The following CABIN1 variants were observed in gnomAD, a reference collection of about 807,000 sequenced individuals.
CABIN1 encodes calcineurin-binding protein cabin-1.
A neutral mutation model predicts 227.7 loss-of-function variants in CABIN1; 133 were observed. The ratio of observed to expected loss-of-function variants is 0.58; its 90% CI spans 0.51 to 0.67. The LOEUF (loss-of-function observed/expected upper bound fraction) is 0.67. Ranked by LOEUF, CABIN1 falls within the 30% of genes least tolerant of loss-of-function variation. The pLI is 0.00. For synonymous variants in CABIN1, 1,086 were observed against 1,155.1 expected (o/e 0.94, Z 1.21); for missense variants, 2,408 against 2,852.5 (o/e 0.84, Z 3.55).
intron 7 of CABIN1, among the ~76,000 whole-genome samples, chr22:24,049,716 A>G (rs2147274873): frequency 6.6e-6 from 1 of 152,126 alleles, no homozygotes; most frequent in East Asian, 1.9e-4. Context: ...TTTCCCTCCC[A>G]GGCTCCTTTT....
In CABIN1 at chr22:24,170,396, A is replaced by C. The variant is rs571561790; in HGVS notation, c.5758-1317A>C. Among the ~76,000 whole-genome samples the C allele has an allele frequency of 3.3e-5, 5 of 152,304 alleles. No homozygotes were observed. In the East Asian group the frequency reaches 9.7e-4, roughly 29 times the overall value. ...CCGCCTGGAGGGTGCTCTGGACATA[A>C]TTAGAGGCTCAGTGCCCACGGCTGA... On this transcript the variant is annotated intron_variant, in intron 33 of 36. Coordinates refer to ENST00000263119, the MANE Select transcript of CABIN1 (RefSeq NM_012295.4).
Position 24,163,195 on chromosome 22 carries a change from G to T in CABIN1, c.4747-1205G>T, listed in dbSNP as rs191831158. 8.9e-4 allele frequency among the ~76,000 whole-genome samples: 136 copies of T among 152,280 alleles called. 1 individual carries two copies. The highest frequency in any genetic ancestry group is 3.1e-3 in the African/African-American group (130 of 41,540). On this transcript the variant is annotated intron_variant, in intron 29 of 36. Transcript: ENST00000263119. ...CCACATAGTCCCCCAGCCTGCAGGTGGACCCTCCATGTCACAACAGGAGCC... is the reference window on the plus strand; with the variant it reads ...CCACATAGTCCCCCAGCCTGCAGGTTGACCCTCCATGTCACAACAGGAGCC...
chr22:24,051,091 G>A, intron 8 of CABIN1, 117 bp downstream of exon 8: 1 of 1,355,462 alleles, frequency 7.4e-7, no homozygotes. Context: ...TGGTATGAAT[G>A]GGGGCTGGGT....
chr22:24,048,984 C>T, intron 6 of CABIN1, 107 bp from the exon 7 acceptor site: 1 of 1,299,626 alleles, frequency 7.7e-7, no homozygotes, highest in Non-Finnish European at 1.1e-6. Flanking sequence ...TATTTTTTAC[C>T]AGGCATTTCT....
At chr22:24,117,152 A>G (rs921151384) in intron 27 of CABIN1, among the ~76,000 whole-genome samples, 1 of 152,128 alleles carries the variant, frequency 6.6e-6, no homozygotes, top group East Asian at 1.9e-4. Context: ...AGCTCGCCCC[A>G]TCTCTCCGGG....
chr22:24,155,745 T>C (rs2148535522), intron 29 of CABIN1: 1 of 362,924 alleles, frequency 2.8e-6, no homozygotes, highest in South Asian at 8.1e-5. Flanking sequence ...TCACACACAG[T>C]TGGCCAATGC....
At chr22:24,033,524 C>A (rs1569095951) in intron 1 of CABIN1, among the ~76,000 whole-genome samples, 1 of 152,250 alleles carries the variant, frequency 6.6e-6, no homozygotes, top group East Asian at 1.9e-4. Flanking sequence ...GAGGCTTATC[C>A]CACTGCCTGC....
chr22:24,071,319 C>G (rs371803351), intron 17 of CABIN1: 31 of 493,306 alleles, frequency 6.3e-5, no homozygotes, highest in South Asian at 6.1e-4. Flanking sequence ...AATAACCTCA[C>G]GGGGAGGCCC....
intron 29 of CABIN1, among the ~76,000 whole-genome samples, chr22:24,143,650 C>G (rs2044921193): frequency 6.6e-6 from 1 of 152,128 alleles, no homozygotes; most frequent in African/African-American, 2.4e-5. Context: ...AGAGTAGCGG[C>G]CCATAGTAGC....
intron 1 of CABIN1, among the ~76,000 whole-genome samples, chr22:24,021,568 G>A (rs1219587632): frequency 1.3e-5 from 2 of 152,172 alleles, no homozygotes; most frequent in Non-Finnish European, 2.9e-5. Flanking sequence ...CTGAGTAGGT[G>A]AAATTACAGG....
At chr22:24,150,403 G>A (rs142390954) in intron 29 of CABIN1, among the ~76,000 whole-genome samples, 37 of 152,318 alleles carry the variant, frequency 2.4e-4, no homozygotes, top group African/African-American at 8.7e-4. Flanking sequence ...ACCAAGAGAG[G>A]CAGTTTGCAG....
At chr22:24,121,194 A>T (rs935552543) in intron 28 of CABIN1, among the ~76,000 whole-genome samples, 4 of 152,238 alleles carry the variant, frequency 2.6e-5, no homozygotes, top group Non-Finnish European at 5.9e-5. Flanking sequence ...ATGTTTGAAG[A>T]ACCAGAATGG....
At chr22:24,046,701 C>T (rs999567781) in intron 6 of CABIN1, among the ~76,000 whole-genome samples, 1 of 152,094 alleles carries the variant, frequency 6.6e-6, no homozygotes, top group Non-Finnish European at 1.5e-5. Context: ...GGAATTGGCT[C>T]ATGTGGTATT....
chr22:24,035,466 C>T lies in CABIN1; in HGVS notation c.-52C>T. 3 of 1,613,512 alleles carry T rather than the reference C, an allele frequency of 1.9e-6. No homozygotes were observed. In the Admixed American group the frequency reaches 5.0e-5, roughly 27 times the overall value. On this transcript the variant is annotated 5_prime_UTR_variant, in exon 2 of 37. Coordinates refer to ENST00000263119, the MANE Select transcript of CABIN1 (RefSeq NM_012295.4). ...TAGGAGAGTTGTGGACTGGGGCAAC[C>T]TTTGCCAGTGATGAGAAGTGATGCT...
chr22:24,115,347 C>G (rs948154427), intron 27 of CABIN1, among the ~76,000 whole-genome samples: 1 of 152,204 alleles, frequency 6.6e-6, no homozygotes, highest in East Asian at 1.9e-4. Flanking sequence ...TGCCTCTTCC[C>G]TCCTTCCATT....
intron 29 of CABIN1, among the ~76,000 whole-genome samples, chr22:24,150,098 G>A (rs1226762918): frequency 6.6e-6 from 1 of 152,230 alleles, no homozygotes; most frequent in African/African-American, 2.4e-5. Context: ...CCTCTCCTGG[G>A]AGACAGGAGA....
chr22:24,145,664 G>A (rs919830862), intron 29 of CABIN1, among the ~76,000 whole-genome samples: 7 of 152,166 alleles, frequency 4.6e-5, no homozygotes, highest in African/African-American at 1.2e-4. Flanking sequence ...CTGGGTCTGC[G>A]TGCATGCATA....
chr22:24,018,323 A>G (rs2035456134), intron 1 of CABIN1, among the ~76,000 whole-genome samples: 1 of 152,020 alleles, frequency 6.6e-6, no homozygotes, highest in Non-Finnish European at 1.5e-5. Context: ...AGTTAAATGT[A>G]TCACTCTTTT....
At chr22:24,121,384 G>C (rs755170907) in intron 28 of CABIN1, among the ~76,000 whole-genome samples, 10 of 152,246 alleles carry the variant, frequency 6.6e-5, no homozygotes, top group Non-Finnish European at 1.5e-4. Flanking sequence ...AGGTGACACA[G>C]GTCTGGGAGG....
Sources: allele counts gnomAD v4.1 joint callset (sites outside exome capture counted in the v4.1 genomes callset), GRCh38; gene constraint gnomAD v4.1.1; transcripts MANE v1.5; gene names NCBI Gene and HGNC (gene_info 2026-07-23, HGNC 2026-07-21).